NRG4: variants seen among roughly 807,000 people sequenced by gnomAD.
NRG4 encodes neuregulin 4, also known as pro-neuregulin-4, membrane-bound isoform.
A neutral mutation model predicts 15.0 loss-of-function variants in NRG4; 10 were observed. The ratio of observed to expected loss-of-function variants is 0.67; its 90% CI spans 0.41 to 1.13. The LOEUF (loss-of-function observed/expected upper bound fraction) is 1.13, where lower values mean the gene tolerates loss of function less well. Among genes scored for constraint, NRG4 ranks in the 50% most tolerant of loss-of-function variants. The pLI is 0.00. For missense variants in NRG4, 139 were observed against 140.2 expected (o/e 0.99, Z 0.04); for synonymous variants, 41 against 50.1 (o/e 0.82, Z 0.77).
chr15:76,030,261 A>AAAC (rs202089938), intron 5 of NRG4, among the ~76,000 whole-genome samples: 8 of 152,104 alleles, frequency 5.3e-5, no homozygotes, highest in African/African-American at 1.2e-4. Flanking sequence ...TCTGTCTCAA[A>AAAC]AACAACAACA....
chr15:75,946,581 G>A (rs923643461), intron 5 of NRG4, among the ~76,000 whole-genome samples: 53 of 152,072 alleles, frequency 3.5e-4, no homozygotes, highest in African/African-American at 1.3e-3. Flanking sequence ...GGATGGTCTC[G>A]ATCTCCTGAC....
At chr15:75,974,347 T>G (rs1409565399) in intron 3 of NRG4, among the ~76,000 whole-genome samples, 1 of 152,204 alleles carries the variant, frequency 6.6e-6, no homozygotes, top group Non-Finnish European at 1.5e-5. Flanking sequence ...TTGAAGGATT[T>G]TTCGTGTCTC....
chr15:76,042,995 G>T (rs1433403637), intron 4 of NRG4, among the ~76,000 whole-genome samples: 1 of 152,066 alleles, frequency 6.6e-6, no homozygotes, highest in East Asian at 1.9e-4. Context: ...TGCAAGGATG[G>T]TTCAACATAC....
At chr15:75,969,723 G>A (rs2033005246) in intron 3 of NRG4, among the ~76,000 whole-genome samples, 1 of 152,176 alleles carries the variant, frequency 6.6e-6, no homozygotes, top group Admixed American at 6.5e-5. Flanking sequence ...TTCGTTCTAA[G>A]CATGGTGAGG....
At chr15:76,035,182 A>C (rs2035571637) in intron 5 of NRG4, among the ~76,000 whole-genome samples, 1 of 152,184 alleles carries the variant, frequency 6.6e-6, no homozygotes, top group Non-Finnish European at 1.5e-5. Context: ...ACAGCTTGTG[A>C]GAATATTTTA....
At chr15:76,020,116 T>C (rs971463644) in intron 5 of NRG4, among the ~76,000 whole-genome samples, 1 of 152,214 alleles carries the variant, frequency 6.6e-6, no homozygotes, top group Non-Finnish European at 1.5e-5. Context: ...CCATGAACCA[T>C]GACTGTGTAA....
intron 5 of NRG4, among the ~76,000 whole-genome samples, chr15:76,017,515 G>A (rs1306415488): frequency 6.6e-6 from 1 of 152,098 alleles, no homozygotes; most frequent in Non-Finnish European, 1.5e-5. Context: ...AGGGGCTCTT[G>A]TAAAGCAGGC....
At chr15:75,950,265 G>T (rs1213786444) in intron 5 of NRG4, among the ~76,000 whole-genome samples, 2 of 151,838 alleles carry the variant, frequency 1.3e-5, no homozygotes, top group Non-Finnish European at 2.9e-5. Context: ...ATATCTAATT[G>T]TCACTGATAT....
intron 4 of NRG4, among the ~76,000 whole-genome samples, chr15:76,040,163 G>C (rs939964950): frequency 6.6e-6 from 1 of 152,030 alleles, no homozygotes; most frequent in Non-Finnish European, 1.5e-5. Context: ...GATCCCAAAA[G>C]CAGCAAGAGA....
At chr15:76,018,606 G>A (rs8029069) in intron 5 of NRG4, among the ~76,000 whole-genome samples, 5,625 of 152,288 alleles carry the variant, frequency 0.037, 183 homozygotes, top group African/African-American at 0.085. Context: ...GTCTGCTGGA[G>A]TTTGCTGGAG....
chr15:75,973,311 C>T (rs536526165), intron 3 of NRG4, among the ~76,000 whole-genome samples: 1 of 152,188 alleles, frequency 6.6e-6, no homozygotes, highest in Non-Finnish European at 1.5e-5. Context: ...CATCTGGAAA[C>T]CCAGAGACAA....
At chr15:76,003,381 T>G (rs968559546) in intron 3 of NRG4, among the ~76,000 whole-genome samples, 2 of 151,964 alleles carry the variant, frequency 1.3e-5, no homozygotes, top group African/African-American at 4.8e-5. Context: ...TAATGACAAC[T>G]GTTGAGTCAT....
At chr15:75,969,280 G>A (rs889408485) in intron 3 of NRG4, 6 of 452,968 alleles carry the variant, frequency 1.3e-5, no homozygotes, top group East Asian at 1.4e-4. Context: ...GTTACTCTGC[G>A]TGGTATTCCT....
intron 3 of NRG4, among the ~76,000 whole-genome samples, chr15:75,974,099 G>C (rs2033245759): frequency 6.6e-6 from 1 of 152,042 alleles, no homozygotes; most frequent in Non-Finnish European, 1.5e-5. Context: ...GTGTTGGGAG[G>C]GGGTATGTGT....
At position 76,051,215 on chromosome 15, in the gene NRG4, C is replaced by T. The variant is rs371717355; in HGVS notation, c.-105+852G>A. On this transcript the variant is annotated intron_variant, in intron 4 of 8. Coordinates refer to the NRG4 transcript ENST00000563910. ...AGAGACGGGGTTTCACCGTTTTAGC[C>T]GGGATGGTCTCGATCTCCTGACCTC... 2.3e-3 allele frequency among the ~76,000 whole-genome samples: 341 copies of T among 149,206 alleles called. 5 individuals are homozygous for T. Among genetic ancestry groups the T allele is most frequent in the Non-Finnish European group, 4.0e-3 (268 of 67,528 alleles).
At chr15:76,003,717 C>T (rs1316372975) in intron 3 of NRG4, among the ~76,000 whole-genome samples, 1 of 152,078 alleles carries the variant, frequency 6.6e-6, no homozygotes, top group African/African-American at 2.4e-5. Context: ...AAGGGATCCT[C>T]AATGAGATTA....
intron 3 of NRG4, among the ~76,000 whole-genome samples, chr15:75,963,324 C>T (rs1195578396): frequency 5.3e-5 from 8 of 151,982 alleles, no homozygotes; most frequent in Admixed American, 2.6e-4. Context: ...GATAGGATAT[C>T]GGTAGCAAAC....
upstream of NRG4, among the ~76,000 whole-genome samples, chr15:76,017,081 G>A (rs2034999927): frequency 6.7e-6 from 1 of 150,206 alleles, no homozygotes; most frequent in Admixed American, 6.6e-5. Flanking sequence ...ATTATGTAAT[G>A]CCCTTCTTTG....
Position 75,947,738 on chromosome 15 carries a change from G to A in NRG4, c.332-4084C>T, listed in dbSNP as rs181585845. ...GCCATATTGTTTTCTTAAAGTGGTCGCACAATTTTACATTCCCACCAACAA... is the reference window on the plus strand; with the variant it reads ...GCCATATTGTTTTCTTAAAGTGGTCACACAATTTTACATTCCCACCAACAA... On this transcript the variant is annotated intron_variant, in intron 5 of 5. Coordinates refer to ENST00000394907, the MANE Select transcript of NRG4 (RefSeq NM_138573.4). Among the ~76,000 whole-genome samples the A allele has an allele frequency of 8.5e-4, 130 of 152,086 alleles. 1 individual carries two copies. Among genetic ancestry groups the A allele is most frequent in the South Asian group, 2.1e-4 (1 of 4,818 alleles).
Sources: gnomAD v4.1 joint callset for allele counts (sites outside exome capture counted in the v4.1 genomes callset) on GRCh38, gnomAD v4.1.1 for gene constraint, MANE v1.5 for transcripts, NCBI Gene and HGNC (gene_info 2026-07-23, HGNC 2026-07-21) for gene names.